Variants in AGBL4 observed in about 807,000 individuals in gnomAD.
The protein encoded by AGBL4 is AGBL carboxypeptidase 4, also known as cytosolic carboxypeptidase 6.
AGBL4 carries 58 observed loss-of-function variants against 66.4 expected under a neutral mutation model. The observed-to-expected ratio is 0.87, with a 90% CI of 0.71 to 1.09. The LOEUF (loss-of-function observed/expected upper bound fraction) is 1.09, where lower values mean the gene tolerates loss of function less well. Among genes scored for constraint, AGBL4 ranks in the 50% least tolerant of loss-of-function variants. AGBL4 has a pLI of 0.00. For missense variants in AGBL4, 579 were observed against 631.0 expected (o/e 0.92, Z 0.88); for synonymous variants, 234 against 222.9 (o/e 1.05, Z -0.44).
chr1:49,292,040 C>T (rs1644544312), intron 3 of AGBL4, among the ~76,000 whole-genome samples: 1 of 152,252 alleles, frequency 6.6e-6, no homozygotes, highest in Non-Finnish European at 1.5e-5. Flanking sequence ...CCCTCTTAGG[C>T]TTGAAAATGC....
At chr1:48,929,681 C>T (rs895147268) in intron 5 of AGBL4, among the ~76,000 whole-genome samples, 2 of 152,180 alleles carry the variant, frequency 1.3e-5, no homozygotes, top group African/African-American at 4.8e-5. Flanking sequence ...TTGTATAGCA[C>T]TGTTGATTTT....
intron 5 of AGBL4, among the ~76,000 whole-genome samples, chr1:48,942,205 T>C (rs1656038184): frequency 6.6e-6 from 1 of 152,028 alleles, no homozygotes; most frequent in African/African-American, 2.4e-5. Flanking sequence ...AAAGAGATAC[T>C]GAGAAGGTGC....
chr1:49,742,416 G>C (rs1650586985), intron 2 of AGBL4, among the ~76,000 whole-genome samples: 1 of 152,034 alleles, frequency 6.6e-6, no homozygotes, highest in South Asian at 2.1e-4. Flanking sequence ...ACAAACAAAT[G>C]GAAGAACATT....
chr1:48,580,748 G>C (rs144902617), intron 11 of AGBL4, among the ~76,000 whole-genome samples: 1 of 152,260 alleles, frequency 6.6e-6, no homozygotes, highest in African/African-American at 2.4e-5. Context: ...TGTGAGTACT[G>C]CCTGTTCAAT....
chr1:49,324,786 C>G (rs1645196603), intron 3 of AGBL4, among the ~76,000 whole-genome samples: 1 of 152,202 alleles, frequency 6.6e-6, no homozygotes, highest in Non-Finnish European at 1.5e-5. Flanking sequence ...ATAATCTATA[C>G]ATTTCTGAAC....
intron 6 of AGBL4, among the ~76,000 whole-genome samples, chr1:48,674,674 GAAT>G (rs1323217718): frequency 6.6e-6 from 1 of 152,116 alleles, no homozygotes; most frequent in Non-Finnish European, 1.5e-5. Flanking sequence ...TGTAAAATGG[GAAT>G]AATAATATTC....
intron 4 of AGBL4, among the ~76,000 whole-genome samples, chr1:49,108,929 G>C (rs1645351316): frequency 1.3e-5 from 2 of 152,128 alleles, no homozygotes; most frequent in Admixed American, 6.5e-5. Context: ...TGAACTCACT[G>C]TGTGACCTTC....
intron 2 of AGBL4, among the ~76,000 whole-genome samples, chr1:49,795,920 C>CA (rs1402892795): frequency 6.6e-6 from 1 of 151,712 alleles, no homozygotes; most frequent in East Asian, 1.9e-4. Flanking sequence ...AGAAAAGATA[C>CA]AATGAATAAT....
At chr1:49,167,137 A>G (rs898253369) in intron 4 of AGBL4, among the ~76,000 whole-genome samples, 3 of 152,184 alleles carry the variant, frequency 2.0e-5, no homozygotes, top group African/African-American at 7.2e-5. Context: ...CAGTAATTTC[A>G]CATTGTCACC....
At chr1:49,536,493 T>G (rs11808115) in intron 3 of AGBL4, among the ~76,000 whole-genome samples, 12,164 of 152,174 alleles carry the variant, frequency 0.08, 684 homozygotes, top group African/African-American at 0.16. Flanking sequence ...ACACTACAAA[T>G]TCAATGTCAA....
At chr1:49,034,088 C>T (rs1466644951) in intron 5 of AGBL4, among the ~76,000 whole-genome samples, 5 of 152,008 alleles carry the variant, frequency 3.3e-5, no homozygotes, top group African/African-American at 1.2e-4. Flanking sequence ...CATGATCCTT[C>T]CCCAGCAAGC....
intron 1 of AGBL4, among the ~76,000 whole-genome samples, chr1:49,854,609 G>A (rs1006288929): frequency 6.6e-6 from 1 of 151,956 alleles, no homozygotes; most frequent in Non-Finnish European, 1.5e-5. Flanking sequence ...TTACCCTGGG[G>A]CCCAGCTGCT....
intron 3 of AGBL4, among the ~76,000 whole-genome samples, chr1:49,681,718 T>A (rs952109795): frequency 2.0e-5 from 3 of 152,198 alleles, no homozygotes; most frequent in African/African-American, 2.4e-5. Context: ...CAGCAGAAAG[T>A]CATAAAACAG....
chr1:48,873,970 G>A (rs1648956051), intron 5 of AGBL4, among the ~76,000 whole-genome samples: 1 of 152,080 alleles, frequency 6.6e-6, no homozygotes, highest in South Asian at 2.1e-4. Context: ...GGTTCTGCGT[G>A]GTAGAAGAGA....
At chr1:48,876,153 C>G (rs572516422) in intron 5 of AGBL4, among the ~76,000 whole-genome samples, 3 of 152,274 alleles carry the variant, frequency 2.0e-5, no homozygotes, top group African/African-American at 4.8e-5. Flanking sequence ...TAATGCTATT[C>G]TCATTACATT....
chr1:48,557,125 G>A (rs1054100375), intron 11 of AGBL4, among the ~76,000 whole-genome samples: 3 of 152,112 alleles, frequency 2.0e-5, no homozygotes, highest in Non-Finnish European at 4.4e-5. Flanking sequence ...ACCAAGTTCT[G>A]TGATTGCAAC....
intron 2 of AGBL4, among the ~76,000 whole-genome samples, chr1:49,736,465 T>C (rs1419831369): frequency 6.6e-6 from 1 of 151,840 alleles, no homozygotes; most frequent in African/African-American, 2.4e-5. Flanking sequence ...TCCATGGAAA[T>C]TAAAAAACCT....
At chr1:49,668,577 T>C (rs1646413835) in intron 3 of AGBL4, among the ~76,000 whole-genome samples, 1 of 152,158 alleles carries the variant, frequency 6.6e-6, no homozygotes, top group African/African-American at 2.4e-5. Context: ...AATCTACCAG[T>C]AACTGCCTAA....
At chr1:49,081,049 T>A (rs1173759081) in intron 4 of AGBL4, among the ~76,000 whole-genome samples, 1 of 152,204 alleles carries the variant, frequency 6.6e-6, no homozygotes, top group East Asian at 1.9e-4. Context: ...ATTTTCATAT[T>A]AATAGAAGTG....
Sources: allele counts gnomAD v4.1 joint callset (sites outside exome capture counted in the v4.1 genomes callset), GRCh38; gene constraint gnomAD v4.1.1; transcripts MANE v1.5; gene names NCBI Gene and HGNC (gene_info 2026-07-23, HGNC 2026-07-21).